The following RMST variants were observed in gnomAD, a reference collection of about 807,000 sequenced individuals.
The protein encoded by RMST is rhabdomyosarcoma 2 associated transcript, also known as long intergenic non-protein coding RNA 54.
At chr12:97,479,665 T>C (rs1352060630) in intron 5 of RMST, among the ~76,000 whole-genome samples, 1 of 152,188 alleles carries the variant, frequency 6.6e-6, no homozygotes, top group African/African-American at 2.4e-5. Flanking sequence ...CTTCTAATTA[T>C]GTCTTTTTGC....
Position 97,469,141 on chromosome 12 carries a change from A to AGTGT in RMST, n.644+3451_644+3454dup, listed in dbSNP as rs10585876. Among the ~76,000 whole-genome samples the AGTGT allele has an allele frequency of 6.7e-3, 921 of 138,404 alleles. 14 individuals carry two copies. The highest frequency in any genetic ancestry group is 0.016 in the South Asian group (66 of 4,166). 90.8% of individuals were successfully genotyped at this position (138,404 alleles called of 152,430 possible). On this transcript the variant is annotated intron_variant and non_coding_transcript_variant, in intron 5 of 13. Transcript: ENST00000640149. ...GATTTATACAATCTGAAGAGAAACC[A>AGTGT]GTGTGTGTGTGTGTGTGTGTGTGTG...
At chr12:97,522,293 A>G (rs1880592663) in intron 10 of RMST, among the ~76,000 whole-genome samples, 1 of 152,182 alleles carries the variant, frequency 6.6e-6, no homozygotes, top group African/African-American at 2.4e-5. Context: ...TTCTTAACTT[A>G]CTTTCTTATT....
At chr12:97,533,621 G>A (rs1363204899) in intron 11 of RMST, 1 of 151,746 alleles carries the variant, frequency 6.6e-6, no homozygotes, top group Admixed American at 6.6e-5. Flanking sequence ...TCAAAAAACT[G>A]TTTCCATTTT....
At chr12:97,548,440 T>C (rs1177386402) in intron 11 of RMST, among the ~76,000 whole-genome samples, 4 of 152,220 alleles carry the variant, frequency 2.6e-5, no homozygotes, top group Admixed American at 6.6e-5. Flanking sequence ...GCCATTGGAA[T>C]TTTGATAGGG....
intron 11 of RMST, among the ~76,000 whole-genome samples, chr12:97,551,344 C>T (rs186229777): frequency 6.6e-6 from 1 of 152,096 alleles, no homozygotes; most frequent in East Asian, 1.9e-4. Flanking sequence ...ATCTGTCTAC[C>T]TGGTAGTGGC....
At chr12:97,488,868 A>G (rs1876435518) in intron 5 of RMST, among the ~76,000 whole-genome samples, 1 of 152,138 alleles carries the variant, frequency 6.6e-6, no homozygotes, top group Non-Finnish European at 1.5e-5. Context: ...TTTCTATTTT[A>G]TGCTCCAGAA....
chr12:97,550,712 C>T (rs1393385993), intron 11 of RMST, among the ~76,000 whole-genome samples: 2 of 152,206 alleles, frequency 1.3e-5, no homozygotes, highest in East Asian at 3.9e-4. Context: ...TTTTGCAATC[C>T]CGTGCCACTA....
chr12:97,499,893 G>A (rs556070988), intron 10 of RMST, among the ~76,000 whole-genome samples: 1 of 151,880 alleles, frequency 6.6e-6, no homozygotes, highest in African/African-American at 2.4e-5. Context: ...TCCTGACCTC[G>A]GGCGATCTGC....
intron 5 of RMST, among the ~76,000 whole-genome samples, chr12:97,490,772 G>A (rs546697289): frequency 1.1e-4 from 16 of 152,080 alleles, no homozygotes; most frequent in Non-Finnish European, 2.4e-4. Flanking sequence ...TTTATAATTT[G>A]AATGGTAATT....
chr12:97,494,878 T>G (rs918852554), exon 9 of RMST: 3 of 152,174 alleles, frequency 2.0e-5, no homozygotes, highest in Non-Finnish European at 4.4e-5. Context: ...TCACATCTGA[T>G]AAGGTAAGAT....
intron 10 of RMST, among the ~76,000 whole-genome samples, chr12:97,499,452 T>C (rs1312129732): frequency 6.6e-6 from 1 of 152,308 alleles, no homozygotes; most frequent in East Asian, 1.9e-4. Context: ...GGTTCAAATT[T>C]AAGATATGCC....
chr12:97,491,822 G>T, intron 5 of RMST: 2 of 455,262 alleles, frequency 4.4e-6, no homozygotes, highest in Admixed American at 2.2e-5. Flanking sequence ...TTGTCGTCAT[G>T]GGTCATTTTC....
exon 14 of RMST, chr12:97,564,537 A>T (rs986074043): frequency 2.0e-5 from 3 of 152,304 alleles, no homozygotes; most frequent in African/African-American, 7.2e-5. Context: ...CTCTTTCCTT[A>T]TCTTTAAAAT....
intron 10 of RMST, among the ~76,000 whole-genome samples, chr12:97,517,502 A>G (rs1880054259): frequency 6.6e-6 from 1 of 150,968 alleles, no homozygotes; most frequent in African/African-American, 2.5e-5. Flanking sequence ...AAAGAAAAAC[A>G]TATATATATA....
chr12:97,512,068 G>C (rs1222673067), intron 10 of RMST, among the ~76,000 whole-genome samples: 1 of 152,090 alleles, frequency 6.6e-6, no homozygotes, highest in Non-Finnish European at 1.5e-5. Context: ...AGATGTGTTC[G>C]GAGTTTCTTC....
intron 10 of RMST, among the ~76,000 whole-genome samples, chr12:97,515,839 T>A (rs1879872260): frequency 6.6e-6 from 1 of 152,100 alleles, no homozygotes; most frequent in Admixed American, 6.5e-5. Context: ...GTATTTGGCA[T>A]GGTTATGAAG....
At chr12:97,491,888 G>A (rs775316700) in intron 5 of RMST, 3 of 523,276 alleles carry the variant, frequency 5.7e-6, no homozygotes, top group East Asian at 5.6e-5. Flanking sequence ...AACTCCACCC[G>A]AGCGTCCATG....
At chr12:97,544,743 G>T (rs1414989814) in intron 11 of RMST, among the ~76,000 whole-genome samples, 1 of 151,900 alleles carries the variant, frequency 6.6e-6, no homozygotes, top group Non-Finnish European at 1.5e-5. Flanking sequence ...CAATTTTCTT[G>T]TATCTCTTTT....
chr12:97,537,918 T>A (rs994794566), intron 11 of RMST, among the ~76,000 whole-genome samples: 1 of 151,456 alleles, frequency 6.6e-6, no homozygotes, highest in Admixed American at 6.6e-5. Context: ...TGTGGGAAAC[T>A]CATTATGTGC....
Sources: allele counts gnomAD v4.1 joint callset (sites outside exome capture counted in the v4.1 genomes callset), GRCh38; gene constraint gnomAD v4.1.1; transcripts MANE v1.5; gene names NCBI Gene and HGNC (gene_info 2026-07-23, HGNC 2026-07-21).